Variants in NSG2 observed in about 807,000 individuals in gnomAD.
NSG2 encodes neuronal vesicle trafficking-associated protein 2.
In NSG2, 4 loss-of-function variants were observed where a neutral mutation model predicts 16.9. The ratio of observed to expected loss-of-function variants is 0.24; its 90% CI spans 0.12 to 0.54. The LOEUF (loss-of-function observed/expected upper bound fraction) is 0.54, where lower values mean the gene tolerates loss of function less well. Among genes scored for constraint, NSG2 ranks in the 20% least tolerant of loss-of-function variants. The pLI, the probability that NSG2 is intolerant of heterozygous loss-of-function variation, is 0.95. For synonymous variants in NSG2, 98 were observed against 88.7 expected (o/e 1.11, Z -0.59); for missense variants, 179 against 221.1 (o/e 0.81, Z 1.21).
At chr5:174,090,775 C>T (rs932572781) in intron 3 of NSG2, among the ~76,000 whole-genome samples, 11 of 152,172 alleles carry the variant, frequency 7.2e-5, no homozygotes, top group East Asian at 1.9e-4. Context: ...AAATTGAGCA[C>T]GGGGGCAGAA....
intron 3 of NSG2, among the ~76,000 whole-genome samples, chr5:174,086,053 T>A (rs1225563910): frequency 6.6e-6 from 1 of 152,122 alleles, no homozygotes; most frequent in Non-Finnish European, 1.5e-5. Flanking sequence ...ATTTGGAGAT[T>A]TTTTGTGGAC....
intron 4 of NSG2, among the ~76,000 whole-genome samples, chr5:174,105,275 A>G (rs571541411): frequency 1.5e-4 from 23 of 152,298 alleles, no homozygotes; most frequent in Admixed American, 3.9e-4. Context: ...GAAAATGTGT[A>G]TACTTCGGTT....
intron 2 of NSG2, among the ~76,000 whole-genome samples, chr5:174,051,015 C>T (rs190865400): frequency 9.9e-5 from 15 of 152,264 alleles, no homozygotes; most frequent in South Asian, 4.2e-4. Flanking sequence ...ATCTGGCCTG[C>T]GCTGGCCTCC....
intron 2 of NSG2, among the ~76,000 whole-genome samples, chr5:174,061,602 A>G (rs1282122119): frequency 2.0e-5 from 3 of 152,044 alleles, no homozygotes; most frequent in African/African-American, 4.8e-5. Flanking sequence ...CATCTTCCAA[A>G]ACTCTTTTTT....
chr5:174,100,718 A>G (rs1760885460), intron 3 of NSG2, among the ~76,000 whole-genome samples: 1 of 151,936 alleles, frequency 6.6e-6, no homozygotes, highest in African/African-American at 2.4e-5. Context: ...TGCAGTTCCT[A>G]TTTGGGATTT....
At chr5:174,059,029 G>T (rs1760007727) in intron 2 of NSG2, among the ~76,000 whole-genome samples, 1 of 152,148 alleles carries the variant, frequency 6.6e-6, no homozygotes, top group Non-Finnish European at 1.5e-5. Context: ...ATTTCATAAG[G>T]GTTCAGAGCA....
At position 174,107,048 on chromosome 5, in the gene NSG2, G is replaced by A. The variant is rs1021048972; in HGVS notation, c.325-266G>A. Among the ~76,000 whole-genome samples, 1 of 152,108 alleles carries A rather than the reference G, an allele frequency of 6.6e-6. No homozygotes were observed. Among genetic ancestry groups the A allele is most frequent in the Admixed American group, 6.5e-5 (1 of 15,278 alleles). Reference sequence around the variant, plus strand: ...GGTCTCTACAGCATCCACTACAGCCGGACAGTCAGTATGCAGAGAAGGCTG... The same window carrying A: ...GGTCTCTACAGCATCCACTACAGCCAGACAGTCAGTATGCAGAGAAGGCTG... On this transcript the variant is annotated intron_variant, in intron 4 of 4. Coordinates refer to ENST00000303177, the MANE Select transcript of NSG2 (RefSeq NM_015980.5). The surrounding 1 kb of genome is among the most constrained non-coding windows in gnomAD (Gnocchi z 4.5).
chr5:174,071,316 G>A (rs575699576), intron 3 of NSG2, among the ~76,000 whole-genome samples: 16 of 152,256 alleles, frequency 1.1e-4, no homozygotes, highest in African/African-American at 3.4e-4. Flanking sequence ...GTGAAACACC[G>A]TCTCTACTAA....
rs187400250 is a variant in NSG2 at position 174,097,984 on chromosome 5, C to G, written c.214-6244C>G. 4.6e-5 allele frequency among the ~76,000 whole-genome samples: 7 copies of G among 152,150 alleles called. 1 individual carries two copies. The highest frequency in any genetic ancestry group is 4.6e-4 in the Admixed American group (7 of 15,292). ...TGGGCACAGAGAAAAGGGTGCGACT[C>G]GCTTGCTGCCCGAGGCCTTCCCAGC... On this transcript the variant is annotated intron_variant, in intron 3 of 4. Coordinates refer to ENST00000303177, the MANE Select transcript of NSG2 (RefSeq NM_015980.5).
At chr5:174,083,482 A>G (rs1760531595) in intron 3 of NSG2, among the ~76,000 whole-genome samples, 1 of 152,236 alleles carries the variant, frequency 6.6e-6, no homozygotes, top group Non-Finnish European at 1.5e-5. Flanking sequence ...GCACTATAAC[A>G]GAGTGGCAAG....
intron 3 of NSG2, among the ~76,000 whole-genome samples, chr5:174,079,298 C>A (rs1387308461): frequency 6.6e-6 from 1 of 151,700 alleles, no homozygotes; most frequent in Admixed American, 6.6e-5. Flanking sequence ...TGCTCTGTCG[C>A]CCAGGCTGGA....
intron 2 of NSG2, among the ~76,000 whole-genome samples, chr5:174,053,388 A>T (rs1298768605): frequency 6.6e-6 from 1 of 152,122 alleles, no homozygotes; most frequent in Non-Finnish European, 1.5e-5. Flanking sequence ...ATGGGGTTTC[A>T]CAGGTGGGTG....
In NSG2 at chr5:174,057,535, G is replaced by A. The variant is rs150519758; in HGVS notation, c.130-6697G>A. ...CTAGCTGGCTGGTTGTAGTGACTTT[G>A]TAGGGTTGTATTTTCCCTGCTCTCT... On this transcript the variant is annotated intron_variant, in intron 2 of 4. Transcript: ENST00000303177. Among the ~76,000 whole-genome samples the A allele has an allele frequency of 3.0e-3, 450 of 152,326 alleles. 2 individuals carry two copies. Among genetic ancestry groups the A allele is most frequent in the Non-Finnish European group, 5.0e-3 (341 of 68,032 alleles).
intron 3 of NSG2, among the ~76,000 whole-genome samples, chr5:174,099,306 C>G (rs569134638): frequency 6.6e-6 from 1 of 152,168 alleles, no homozygotes; most frequent in South Asian, 2.1e-4. Context: ...CAGTGGAACT[C>G]GCCGGCCTGA....
intron 3 of NSG2, among the ~76,000 whole-genome samples, chr5:174,073,697 C>T (rs559041611): frequency 6.6e-6 from 1 of 152,256 alleles, no homozygotes; most frequent in Non-Finnish European, 1.5e-5. Flanking sequence ...AGACAGAAAA[C>T]ACACATTGTG....
chr5:174,091,039 CTTTT>C (rs35022469), intron 3 of NSG2, among the ~76,000 whole-genome samples: 5 of 124,090 alleles, frequency 4.0e-5, no homozygotes, highest in East Asian at 2.5e-4. Context: ...CTTCTTCTTC[CTTTT>C]TTTTTTTTTT....
chr5:174,076,757 G>A (rs1020855230), intron 3 of NSG2, among the ~76,000 whole-genome samples: 2 of 152,090 alleles, frequency 1.3e-5, no homozygotes, highest in African/African-American at 4.8e-5. Flanking sequence ...AGACAGTTTT[G>A]GTTGTCACAG....
At chr5:174,063,139 A>T (rs1760079207) in intron 2 of NSG2, among the ~76,000 whole-genome samples, 1 of 152,162 alleles carries the variant, frequency 6.6e-6, no homozygotes, top group Non-Finnish European at 1.5e-5. Flanking sequence ...ATCTCACTTA[A>T]CTCTCAAAGC....
In NSG2 at chr5:174,108,039, C is replaced by A; in HGVS notation, c.*534C>A. On this transcript the variant is annotated 3_prime_UTR_variant, in exon 5 of 5. Coordinates refer to ENST00000303177, the MANE Select transcript of NSG2 (RefSeq NM_015980.5). ...TAGGCCCGCAGGAAATGAGGAATGGCCGAGCTGGAGAGAAGAGCTGATTTT... is the reference window on the plus strand; with the variant it reads ...TAGGCCCGCAGGAAATGAGGAATGGACGAGCTGGAGAGAAGAGCTGATTTT... The A allele has an allele frequency of 3.3e-6, 1 of 307,584 alleles. No individual in the cohort carries two copies. Among genetic ancestry groups the A allele is most frequent in the Non-Finnish European group, 6.3e-6 (1 of 159,316 alleles). 19.1% of individuals were successfully genotyped at this position (307,584 alleles called of 1,614,324 possible). A position where few individuals can be genotyped will look rare whatever the true frequency, so the allele number is the denominator to read the frequency against.
Sources: allele counts gnomAD v4.1 joint callset (sites outside exome capture counted in the v4.1 genomes callset), GRCh38; gene constraint gnomAD v4.1.1; non-coding constraint Gnocchi (gnomAD v3.1); transcripts MANE v1.5; gene names NCBI Gene and HGNC (gene_info 2026-07-23, HGNC 2026-07-21).